Variants in BRD9 observed in about 807,000 individuals in gnomAD.
The protein encoded by BRD9 is bromodomain-containing protein 9.
In BRD9, 47 loss-of-function variants were observed where a neutral mutation model predicts 68.7. The observed-to-expected ratio is 0.68, with a 90% CI of 0.54 to 0.87. The LOEUF (loss-of-function observed/expected upper bound fraction) is 0.87. Ranked by LOEUF, BRD9 falls within the 40% of genes least tolerant of loss-of-function variation. BRD9 has a pLI of 0.00. For missense variants in BRD9, 670 were observed against 748.4 expected, an observed-to-expected ratio of 0.90 and a Z score of 1.22; for synonymous variants, 313 against 293.9, an observed-to-expected ratio of 1.06 and a Z score of -0.67.
At chr5:885,834 G>C (rs748322458) in intron 7 of BRD9, among the ~76,000 whole-genome samples, 1 of 152,208 alleles carries the variant, frequency 6.6e-6, no homozygotes, top group African/African-American at 2.4e-5. Context: ...CGATACTCTC[G>C]CTTTGTTTGG....
At chr5:884,792 C>T (rs1752302229) in intron 7 of BRD9, among the ~76,000 whole-genome samples, 1 of 152,246 alleles carries the variant, frequency 6.6e-6, no homozygotes, top group Non-Finnish European at 1.5e-5. Context: ...ACCTGGCAAC[C>T]CTACACAGGA....
chr5:892,659 G>A lies in BRD9; in HGVS notation c.-2C>T. 1 of 1,418,076 alleles carries A rather than the reference G, an allele frequency of 7.1e-7. No individual in the cohort carries two copies. Among genetic ancestry groups the A allele is most frequent in the African/African-American group, 1.5e-5 (1 of 66,596 alleles). The allele number at this position is 1,418,076 out of a possible 1,614,324, so 87.8% of individuals were successfully genotyped here. A position where few individuals can be genotyped will look rare whatever the true frequency, so the allele number is the denominator to read the frequency against. On this transcript the variant is annotated 5_prime_UTR_variant, in exon 1 of 16. Transcript: ENST00000467963. Reference sequence around the variant, plus strand: ...GTGCTTCTTGTGCTTCTTGCCCATGGCGGCGCCGGCGGCGGGCCCGAGGCG... The same window carrying A: ...GTGCTTCTTGTGCTTCTTGCCCATGACGGCGCCGGCGGCGGGCCCGAGGCG...
At chr5:889,361 A>G (rs573245126) in intron 4 of BRD9, among the ~76,000 whole-genome samples, 196 bp from the exon 5 acceptor site, 1 of 152,280 alleles carries the variant, frequency 6.6e-6, no homozygotes, top group South Asian at 2.1e-4. Context: ...GCGGCCATCA[A>G]TGTCCCAGCT....
intron 3 of BRD9, 115 bp from the exon 4 acceptor site, chr5:889,762 G>A (rs778107629): frequency 4.2e-5 from 65 of 1,534,018 alleles, no homozygotes; most frequent in Non-Finnish European, 5.1e-5. Flanking sequence ...AAGTTCCACC[G>A]AGAACTGGGG....
At chr5:890,428 G>A (rs1238117718) in intron 3 of BRD9, among the ~76,000 whole-genome samples, 3 of 152,196 alleles carry the variant, frequency 2.0e-5, no homozygotes, top group African/African-American at 7.2e-5. Context: ...GCTGGGAAGA[G>A]ACACCCCTTG....
intron 14 of BRD9, among the ~76,000 whole-genome samples, chr5:869,599 C>T (rs1284746031): frequency 6.6e-6 from 1 of 152,206 alleles, no homozygotes; most frequent in East Asian, 1.9e-4. Context: ...ATCTACTCTA[C>T]TCTTTTTGAA....
intron 7 of BRD9, among the ~76,000 whole-genome samples, chr5:886,053 G>C (rs935004593): frequency 1.2e-4 from 18 of 152,194 alleles, no homozygotes; most frequent in African/African-American, 4.3e-4. Context: ...GCTACAGGGA[G>C]CTGTGGCCTG....
intron 5 of BRD9, among the ~76,000 whole-genome samples, chr5:887,727 CTG>C (rs1166122206): frequency 6.6e-6 from 1 of 152,204 alleles, no homozygotes; most frequent in Admixed American, 6.5e-5. Context: ...CATACAAATG[CTG>C]TGTGAGGAAA....
intron 2 of BRD9, 136 bp from the exon 3 acceptor site, chr5:891,423 T>C: frequency 7.3e-7 from 1 of 1,376,054 alleles, no homozygotes; most frequent in Non-Finnish European, 9.6e-7. Context: ...CATGCCAGGC[T>C]CCCTCCTCAC....
Position 870,581 on chromosome 5 carries a change from G to A in BRD9, c.1423-6C>T, listed in dbSNP as rs1749996433. ...TCTCCTAGGGTGTCCCCAACCTGTG[G>A]AGACAGACACACATCAAGAGCAATT... is the stretch of plus-strand genomic sequence containing the variant. On this transcript the variant is annotated splice_region_variant and splice_polypyrimidine_tract_variant and intron_variant, in intron 13 of 15. Coordinates refer to ENST00000467963, the MANE Select transcript of BRD9 (RefSeq NM_023924.5). The A allele has an allele frequency of 1.9e-6, 3 of 1,602,850 alleles. No homozygotes were observed. The highest frequency in any genetic ancestry group is 1.3e-5 in the African/African-American group (1 of 74,652).
chr5:871,511 T>G lies in BRD9; in HGVS notation c.1422+15A>C. On this transcript the variant is annotated intron_variant, in intron 13 of 15. Coordinates refer to ENST00000467963, the MANE Select transcript of BRD9 (RefSeq NM_023924.5). ...GAATAATATTTGGCTTGCCCTTCCA[T>G]GTTCAAAAACTTACCTTGGCTTCAT... The G allele has an allele frequency of 6.2e-7, 1 of 1,613,402 alleles. No homozygotes were observed. The highest frequency in any genetic ancestry group is 8.5e-7 in the Non-Finnish European group (1 of 1,179,280).
At chr5:870,084 G>C (rs1229390395) in intron 14 of BRD9, among the ~76,000 whole-genome samples, 4 of 152,218 alleles carry the variant, frequency 2.6e-5, no homozygotes, top group Non-Finnish European at 5.9e-5. Flanking sequence ...ATGCAGAGGG[G>C]ACCCGTGGGA....
At chr5:891,991 A>G in intron 1 of BRD9, 137 bp from the exon 2 acceptor site, 1 of 1,367,134 alleles carries the variant, frequency 7.3e-7, no homozygotes, top group Non-Finnish European at 9.7e-7. Flanking sequence ...GGAAAGACGG[A>G]AGGGAAGACC....
At position 886,558 on chromosome 5, in the gene BRD9, C is replaced by T. The variant is rs1306573242; in HGVS notation, c.833+34G>A. On this transcript the variant is annotated intron_variant, in intron 7 of 15. Transcript: ENST00000467963. Reference sequence around the variant, plus strand: ...GCTTTCCTGGCTATGGTGCTCAACTCCAAAAGCAAATGTGGTTTCCACAGA... The same window carrying T: ...GCTTTCCTGGCTATGGTGCTCAACTTCAAAAGCAAATGTGGTTTCCACAGA... 5 of 1,592,568 alleles carry T rather than the reference C, an allele frequency of 3.1e-6. No individual in the cohort carries two copies. In the African/African-American group the frequency reaches 4.0e-5, roughly 13 times the overall value.
At chr5:892,310 C>A in intron 1 of BRD9, 1 of 578,414 alleles carries the variant, frequency 1.7e-6, no homozygotes, top group South Asian at 2.5e-5. Flanking sequence ...CCAGCTTCTC[C>A]CTGAGCTCCA....
At position 878,570 on chromosome 5, in the gene BRD9, G is replaced by A. The variant is rs537201571; in HGVS notation, c.1139-83C>T. 7.5e-5 allele frequency: 119 copies of A among 1,582,878 alleles called. No individual in the cohort carries two copies. In the African/African-American group the frequency reaches 1.3e-3, roughly 18 times the overall value. On this transcript the variant is annotated intron_variant, in intron 10 of 15. Coordinates refer to ENST00000467963, the MANE Select transcript of BRD9 (RefSeq NM_023924.5). ...CCCACCCCGCTTCTCCAGGGGCTGA[G>A]GGACCGCCTGGCTGGCAGCCAGCAC...
chr5:892,606 C>A lies in BRD9; in HGVS notation c.52G>T (p.Asp18Tyr). The change falls in exon 1 of 16, where the codon GAT becomes TAT. Residue 18 changes from aspartate (D) to tyrosine (Y), a missense_variant and splice_region_variant. Physicochemically the swap from Asp to Tyr is radical, Grantham distance 160. Coordinates refer to ENST00000467963, the MANE Select transcript of BRD9 (RefSeq NM_023924.5). ...GCGTCACAAAGCGCCGCCGCCTCAC[C>A]CTCGTAGGACGAGCGCCACTCGGCC... ...HKAEWRSSYE[D>Y]YADKPLEKPL... 1 of 1,531,388 alleles carries A rather than the reference C, an allele frequency of 6.5e-7. No individual in the cohort carries two copies. The highest frequency in any genetic ancestry group is 1.2e-5 in the South Asian group (1 of 83,178). 94.9% of individuals were successfully genotyped at this position (1,531,388 alleles called of 1,614,324 possible). A position where few individuals can be genotyped will look rare whatever the true frequency, so the allele number is the denominator to read the frequency against.
At chr5:889,762 G>T in intron 3 of BRD9, 115 bp from the exon 4 acceptor site, 1 of 1,534,018 alleles carries the variant, frequency 6.5e-7, no homozygotes, top group East Asian at 2.6e-5. Context: ...AAGTTCCACC[G>T]AGAACTGGGG....
rs548092139 is a variant in BRD9 at position 891,875 on chromosome 5, T to G, written c.53-21A>C. ...ATAATCTGCACAGACACAGACCGAG[T>G]TCTACCCGCGTGCTCAGGTGCAAAC... is the stretch of plus-strand genomic sequence containing the variant. On this transcript the variant is annotated intron_variant, in intron 1 of 15. Transcript: ENST00000467963. The G allele has an allele frequency of 8.5e-5, 131 of 1,545,708 alleles. No homozygotes were observed. The African/African-American group carries it at 1.7e-3, about 20-fold the overall frequency.
Sources: gnomAD v4.1 joint callset for allele counts (sites outside exome capture counted in the v4.1 genomes callset) on GRCh38, gnomAD v4.1.1 for gene constraint, MANE v1.5 for transcripts, NCBI Gene and HGNC (gene_info 2026-07-23, HGNC 2026-07-21) for gene names.